Variants in DPH6 observed in about 807,000 individuals in gnomAD.
The protein encoded by DPH6 is diphthine--ammonia ligase.
DPH6 carries 33 observed loss-of-function variants against 38.2 expected under a neutral mutation model. The ratio of observed to expected loss-of-function variants is 0.86; its 90% CI spans 0.65 to 1.15. The LOEUF is 1.15. Among genes scored for constraint, DPH6 ranks in the 50% most tolerant of loss-of-function variants. The pLI, the probability that DPH6 is intolerant of heterozygous loss-of-function variation, is 0.00. For missense variants in DPH6, 325 were observed against 320.0 expected (o/e 1.02, Z -0.12); for synonymous variants, 108 against 103.0 (o/e 1.05, Z -0.30).
At chr15:35,432,241 G>T (rs2053641881) in intron 5 of DPH6, among the ~76,000 whole-genome samples, 1 of 152,100 alleles carries the variant, frequency 6.6e-6, no homozygotes, top group Non-Finnish European at 1.5e-5. Flanking sequence ...GTTTAAAATG[G>T]GTAAAAATGT....
chr15:35,463,091 G>C (rs2054085349), intron 3 of DPH6, among the ~76,000 whole-genome samples: 1 of 151,960 alleles, frequency 6.6e-6, no homozygotes, highest in Admixed American at 6.6e-5. Context: ...AAAAAACAAA[G>C]AAAATATAAG....
At chr15:35,384,461 G>A (rs1595517807) in intron 6 of DPH6, among the ~76,000 whole-genome samples, 1 of 152,048 alleles carries the variant, frequency 6.6e-6, no homozygotes. Flanking sequence ...CCGAGGCCAG[G>A]AACTAGATGC....
chr15:35,383,229 T>C (rs764433572), intron 6 of DPH6, among the ~76,000 whole-genome samples: 10 of 152,200 alleles, frequency 6.6e-5, no homozygotes, highest in Non-Finnish European at 1.5e-4. Context: ...TATTATCCTA[T>C]AGAAGTGGTT....
At chr15:35,383,923 G>A (rs2052906150) in intron 6 of DPH6, among the ~76,000 whole-genome samples, 1 of 152,154 alleles carries the variant, frequency 6.6e-6, no homozygotes. Context: ...TTATTAAAAA[G>A]CAGAATCTTT....
intron 3 of DPH6, among the ~76,000 whole-genome samples, chr15:35,491,817 A>G (rs2054485082): frequency 6.6e-6 from 1 of 150,540 alleles, no homozygotes; most frequent in Non-Finnish European, 1.5e-5. Context: ...GTATAAAGAT[A>G]TATGTATCTA....
rs2051427244 is a variant in DPH6, at chr15:35,219,125, T to A, written n.1658A>T. On this transcript the variant is annotated non_coding_transcript_exon_variant, in exon 4 of 4. Transcript: ENST00000560386. Reference sequence around the variant, plus strand: ...TTTTAAGTCACAAAGTGTAGTCTTCTCTTCCGTAATGTGGTTGATATAAAG... The same window carrying A: ...TTTTAAGTCACAAAGTGTAGTCTTCACTTCCGTAATGTGGTTGATATAAAG... The A allele has an allele frequency of 9.8e-5, 15 of 152,320 alleles. 1 individual carries two copies. In the South Asian group the frequency reaches 2.7e-3, roughly 27 times the overall value. 9.4% of individuals were successfully genotyped at this position (152,320 alleles called of 1,614,324 possible).
At chr15:35,176,183 T>C in the DPH6 span, among the ~76,000 whole-genome samples, 1 of 152,208 alleles carries the variant, frequency 6.6e-6, no homozygotes, top group East Asian at 1.9e-4. Context: ...ACTTTTAAAA[T>C]GTAAGGTATT....
At position 35,301,411 on chromosome 15, in the gene DPH6, T is replaced by C. The variant is rs147761767; in HGVS notation, n.200+72110A>G. On this transcript the variant is annotated intron_variant and non_coding_transcript_variant, in intron 3 of 3. Coordinates refer to the DPH6 transcript ENST00000560386. Reference sequence around the variant, plus strand: ...AAGTCAGGTGGTAAAATACGAAGAATAACATGAAAGAAAAATTAGGAATTC... The same window carrying C: ...AAGTCAGGTGGTAAAATACGAAGAACAACATGAAAGAAAAATTAGGAATTC... 3.6e-4 allele frequency among the ~76,000 whole-genome samples: 55 copies of C among 152,332 alleles called. 2 individuals carry two copies. In the South Asian group the frequency reaches 6.8e-3, roughly 19 times the overall value.
At chr15:35,541,160 ACT>A (rs1299403659) in intron 2 of DPH6, among the ~76,000 whole-genome samples, 19 of 151,934 alleles carry the variant, frequency 1.3e-4, no homozygotes, top group Admixed American at 1.1e-3. Context: ...TTTACCTCTG[ACT>A]CTCTGTGGGA....
At chr15:35,417,359 T>C (rs1475409786) in intron 5 of DPH6, among the ~76,000 whole-genome samples, 1 of 148,124 alleles carries the variant, frequency 6.8e-6, no homozygotes, top group East Asian at 2.0e-4. Flanking sequence ...TGTATTTTGG[T>C]TTTAGTATTT....
chr15:35,491,081 C>T (rs966368719), intron 3 of DPH6, among the ~76,000 whole-genome samples: 1 of 152,090 alleles, frequency 6.6e-6, no homozygotes, highest in African/African-American at 2.4e-5. Context: ...CTCTTAAAGG[C>T]CTCACCTCCC....
downstream of DPH6, among the ~76,000 whole-genome samples, chr15:35,368,456 T>C (rs1387106809): frequency 6.6e-6 from 1 of 151,948 alleles, no homozygotes; most frequent in Non-Finnish European, 1.5e-5. Context: ...TATTGTGGAA[T>C]TTTGTGCAGG....
chr15:35,456,494 TA>T (rs1355746512), intron 3 of DPH6, among the ~76,000 whole-genome samples: 20 of 148,744 alleles, frequency 1.3e-4, no homozygotes, highest in African/African-American at 2.0e-4. Flanking sequence ...TATTTATTAT[TA>T]TTTTTTTTTT....
chr15:35,290,408 T>C, intron 3 of DPH6, among the ~76,000 whole-genome samples: 1 of 152,140 alleles, frequency 6.6e-6, no homozygotes, highest in East Asian at 1.9e-4. Context: ...ACACCAATAA[T>C]ACATGAAGTG....
chr15:35,353,975 C>G lies in DPH6; in HGVS notation n.207+19546G>C, dbSNP rs146119894. 8.8e-3 allele frequency among the ~76,000 whole-genome samples: 1,337 copies of G among 152,230 alleles called. 10 individuals are homozygous for G. Among genetic ancestry groups the G allele is most frequent in the Non-Finnish European group, 0.013 (863 of 68,018 alleles). On this transcript the variant is annotated intron_variant and non_coding_transcript_variant, in intron 3 of 3. Transcript: ENST00000558973. ...TTTTGTTGAGGAGTGGTTTGTAGTT[C>G]TCCTTGAAGAGGTCCTTCACATCCC...
intron 6 of DPH6, among the ~76,000 whole-genome samples, chr15:35,388,333 G>C (rs555195049): frequency 1.3e-5 from 2 of 152,228 alleles, no homozygotes; most frequent in South Asian, 2.1e-4. Flanking sequence ...CCAGGCTTTG[G>C]TATCAGGATG....
intron 3 of DPH6, chr15:35,298,329 C>T: frequency 1.6e-6 from 1 of 621,834 alleles, no homozygotes; most frequent in Non-Finnish European, 3.1e-6. Context: ...ACCAAAATAC[C>T]TCCCATTCGA....
chr15:35,295,336 T>C (rs986979058), intron 3 of DPH6, among the ~76,000 whole-genome samples: 2 of 152,196 alleles, frequency 1.3e-5, no homozygotes, highest in East Asian at 3.9e-4. Flanking sequence ...CTGTTGACTT[T>C]TTCTTCACCT....
chr15:35,208,727 C>A, the DPH6 span, among the ~76,000 whole-genome samples: 23 of 152,200 alleles, frequency 1.5e-4, no homozygotes, highest in African/African-American at 5.3e-4. Flanking sequence ...TAATATCTGG[C>A]GGTGTAAGAC....
Sources: allele counts gnomAD v4.1 joint callset (sites outside exome capture counted in the v4.1 genomes callset), GRCh38; gene constraint gnomAD v4.1.1; transcripts MANE v1.5; gene names NCBI Gene and HGNC (gene_info 2026-07-23, HGNC 2026-07-21).